VTI1A: variants seen among roughly 807,000 people sequenced by gnomAD.
VTI1A encodes vesicle transport through interaction with t-SNAREs homolog 1A.
Under a neutral mutation model 34.9 loss-of-function variants are expected in VTI1A, and 22 were observed. The observed-to-expected ratio is 0.63, with a 90% CI of 0.45 to 0.90. VTI1A has a LOEUF of 0.90. VTI1A is among the 40% of genes least tolerant of loss of function. The pLI, the probability that VTI1A is intolerant of heterozygous loss-of-function variation, is 0.00. For synonymous variants in VTI1A, 87 were observed against 97.3 expected (o/e 0.89, Z 0.62); for missense variants, 268 against 275.6 (o/e 0.97, Z 0.20).
chr10:112,628,321 G>A (rs529797118), intron 5 of VTI1A, among the ~76,000 whole-genome samples: 38 of 152,122 alleles, frequency 2.5e-4, no homozygotes, highest in Admixed American at 2.2e-3. Flanking sequence ...AGGTATTATA[G>A]GATTAATATT....
chr10:112,518,918 G>C (rs1388869744), intron 3 of VTI1A, among the ~76,000 whole-genome samples: 1 of 151,832 alleles, frequency 6.6e-6, no homozygotes, highest in Non-Finnish European at 1.5e-5. Context: ...ATTATATTTT[G>C]TTTTGGGTCA....
At chr10:112,745,484 G>A (rs1337498656) in intron 7 of VTI1A, among the ~76,000 whole-genome samples, 1 of 152,000 alleles carries the variant, frequency 6.6e-6, no homozygotes, top group Non-Finnish European at 1.5e-5. Context: ...TAAGACCTCT[G>A]AGCCTGCACC....
intron 5 of VTI1A, among the ~76,000 whole-genome samples, chr10:112,625,472 C>T (rs1406744065): frequency 6.6e-6 from 1 of 152,002 alleles, no homozygotes; most frequent in African/African-American, 2.4e-5. Context: ...AACCCCATCT[C>T]TACTAAAAAT....
At chr10:112,766,935 T>A (rs1263803727) in intron 7 of VTI1A, among the ~76,000 whole-genome samples, 1 of 152,210 alleles carries the variant, frequency 6.6e-6, no homozygotes, top group Non-Finnish European at 1.5e-5. Flanking sequence ...TCCGTGCCAA[T>A]TGTGGTTTAG....
intron 7 of VTI1A, among the ~76,000 whole-genome samples, chr10:112,716,174 G>T (rs145624006): frequency 6.6e-6 from 1 of 152,192 alleles, no homozygotes; most frequent in Non-Finnish European, 1.5e-5. Flanking sequence ...TTCTGACGAA[G>T]TGTTCTCCTG....
intron 4 of VTI1A, among the ~76,000 whole-genome samples, chr10:112,531,099 A>ACG (rs1478882168): frequency 1.4e-5 from 2 of 145,156 alleles, no homozygotes; most frequent in Non-Finnish European, 3.0e-5. Flanking sequence ...ACACACACAC[A>ACG]CACACGTGCG....
At chr10:112,515,045 T>G (rs1849728724) in intron 3 of VTI1A, among the ~76,000 whole-genome samples, 1 of 152,060 alleles carries the variant, frequency 6.6e-6, no homozygotes, top group African/African-American at 2.4e-5. Context: ...AATGTAAATA[T>G]TTACATTTGA....
At chr10:112,621,123 T>G (rs1192510587) in intron 5 of VTI1A, among the ~76,000 whole-genome samples, 1 of 152,224 alleles carries the variant, frequency 6.6e-6, no homozygotes, top group Non-Finnish European at 1.5e-5. Flanking sequence ...AATATTAACT[T>G]GTAAACTCTA....
At chr10:112,476,410 A>G (rs1848278853) in intron 3 of VTI1A, among the ~76,000 whole-genome samples, 1 of 152,156 alleles carries the variant, frequency 6.6e-6, no homozygotes, top group East Asian at 1.9e-4. Flanking sequence ...TGTATGGTAT[A>G]CTATTACTTG....
At chr10:112,745,433 T>A (rs1243227585) in intron 7 of VTI1A, among the ~76,000 whole-genome samples, 1 of 152,182 alleles carries the variant, frequency 6.6e-6, no homozygotes, top group Non-Finnish European at 1.5e-5. Context: ...GCCACCCACG[T>A]ACCTCCAGTG....
intron 7 of VTI1A, among the ~76,000 whole-genome samples, chr10:112,755,185 G>T (rs540213088): frequency 6.6e-6 from 1 of 152,250 alleles, no homozygotes; most frequent in African/African-American, 2.4e-5. Flanking sequence ...GAACTCAGGC[G>T]GTGGAGGTTG....
At chr10:112,589,665 G>A (rs919423810) in intron 5 of VTI1A, among the ~76,000 whole-genome samples, 2 of 152,160 alleles carry the variant, frequency 1.3e-5, no homozygotes, top group African/African-American at 4.8e-5. Flanking sequence ...TGCTCTACAT[G>A]TATTAAGTCT....
At chr10:112,511,031 C>G (rs537091767) in intron 3 of VTI1A, among the ~76,000 whole-genome samples, 3 of 152,254 alleles carry the variant, frequency 2.0e-5, no homozygotes, top group East Asian at 3.9e-4. Flanking sequence ...TGAAAATTAG[C>G]TTACCAGGGA....
chr10:112,475,837 A>T (rs1342984840), intron 3 of VTI1A, among the ~76,000 whole-genome samples: 1 of 152,160 alleles, frequency 6.6e-6, no homozygotes, highest in Non-Finnish European at 1.5e-5. Context: ...GCCATTTTTT[A>T]AAAAAGAAAC....
intron 2 of VTI1A, 61 bp downstream of exon 2, chr10:112,460,643 C>T (rs2134041690): frequency 7.4e-7 from 1 of 1,354,788 alleles, no homozygotes; most frequent in Non-Finnish European, 1.0e-6. Context: ...TAATGTCTTC[C>T]TCTAGCCTGT....
chr10:112,470,946 A>G (rs1434838945), intron 3 of VTI1A, among the ~76,000 whole-genome samples: 3 of 152,058 alleles, frequency 2.0e-5, no homozygotes, highest in African/African-American at 4.8e-5. Flanking sequence ...CTGTGAGTTC[A>G]TCTTTCCAAG....
chr10:112,743,013 C>CGT (rs10612255), intron 7 of VTI1A, among the ~76,000 whole-genome samples: 24,804 of 141,746 alleles, frequency 0.17, 2,008 homozygotes, highest in Non-Finnish European at 0.2. Context: ...GACCTATTCT[C>CGT]GTGTGTGTGT....
At chr10:112,691,508 T>G (rs1404815929) in intron 7 of VTI1A, among the ~76,000 whole-genome samples, 1 of 152,082 alleles carries the variant, frequency 6.6e-6, no homozygotes, top group Admixed American at 6.5e-5. Flanking sequence ...ATGATTAGGT[T>G]CTTCTTGGTG....
intron 7 of VTI1A, among the ~76,000 whole-genome samples, chr10:112,719,288 A>G (rs1849711868): frequency 6.6e-6 from 1 of 152,228 alleles, no homozygotes; most frequent in African/African-American, 2.4e-5. Context: ...ATCCAAATGC[A>G]AAAATGGGTT....
Sources: allele counts gnomAD v4.1 joint callset (sites outside exome capture counted in the v4.1 genomes callset), GRCh38; gene constraint gnomAD v4.1.1; transcripts MANE v1.5; gene names NCBI Gene and HGNC (gene_info 2026-07-23, HGNC 2026-07-21).